The following KANSL3 variants were observed in gnomAD, a reference collection of about 807,000 sequenced individuals.
KANSL3 encodes NSL complex protein NSL3.
KANSL3 carries 16 observed loss-of-function variants against 89.2 expected under a neutral mutation model. The observed-to-expected ratio is 0.18, with a 90% CI of 0.12 to 0.27. The LOEUF is 0.27. Among genes scored for constraint, KANSL3 ranks in the 10% least tolerant of loss-of-function variants. The probability of loss-of-function intolerance (pLI) is 1.00; values close to 1 mark genes in which losing one functional copy is unlikely to be tolerated. For missense variants in KANSL3, 879 were observed against 1,110.6 expected (o/e 0.79, Z 2.96); for synonymous variants, 385 against 419.7 (o/e 0.92, Z 1.01).
chr2:96,608,657 G>C lies in KANSL3; in HGVS notation c.1592C>G (p.Ser531Cys), dbSNP rs765950131. Reference sequence around the variant, plus strand: ...GGAGGTGGGGCTGCTGGACACACTGGAGAGATCCTGAGTAAGGTGAGAAGG... The same window carrying C: ...GGAGGTGGGGCTGCTGGACACACTGCAGAGATCCTGAGTAAGGTGAGAAGG... ...PASPSGSEDL[S>C]SVSSSPTSSP... is the part of the protein sequence containing the mutation. Residue 531 changes from serine (S) to cysteine (C), a missense_variant, in exon 14 of 21, where the codon TCC becomes TGC. Ser to Cys is a moderately radical substitution (Grantham distance 112). Transcript: ENST00000431828. 1.9e-6 allele frequency: 3 copies of C among 1,614,034 alleles called. No homozygotes were observed. The South Asian group carries it at 3.3e-5, about 18-fold the overall frequency.
At chr2:96,630,849 A>G (rs139306694) in intron 3 of KANSL3, among the ~76,000 whole-genome samples, 2 of 152,330 alleles carry the variant, frequency 1.3e-5, no homozygotes, top group East Asian at 3.9e-4. Context: ...ATAGCCTGCA[A>G]ATCTATTTTT....
chr2:96,622,755 G>A (rs2071541224), intron 3 of KANSL3, among the ~76,000 whole-genome samples: 4 of 152,078 alleles, frequency 2.6e-5, no homozygotes, highest in South Asian at 2.1e-4. Context: ...CTTCAGTCAC[G>A]CCGCCTTCCC....
At chr2:96,592,500 CT>C (rs2066294251), downstream of KANSL3, among the ~76,000 whole-genome samples, 1 of 152,140 alleles carries the variant, frequency 6.6e-6, no homozygotes, top group African/African-American at 2.4e-5. Context: ...TACTCTTGGC[CT>C]GGTGGGAAGT....
chr2:96,606,089 A>C (rs2105234408), intron 14 of KANSL3: 1 of 152,458 alleles, frequency 6.6e-6, no homozygotes, highest in East Asian at 1.9e-4. Context: ...TGCCAAATGG[A>C]GGCAATGAAG....
chr2:96,614,675 G>A (rs1473586129), intron 5 of KANSL3, among the ~76,000 whole-genome samples: 1 of 151,602 alleles, frequency 6.6e-6, no homozygotes, highest in African/African-American at 2.4e-5. Context: ...GGAAGCTGAG[G>A]TCCGAGAATC....
chr2:96,623,684 C>T (rs1280292017), intron 3 of KANSL3, among the ~76,000 whole-genome samples: 1 of 152,186 alleles, frequency 6.6e-6, no homozygotes, highest in Non-Finnish European at 1.5e-5. Flanking sequence ...AGGGTTCTAT[C>T]CCACCCTCTA....
At chr2:96,627,771 G>A in intron 3 of KANSL3, 1 of 471,296 alleles carries the variant, frequency 2.1e-6, no homozygotes, top group Non-Finnish European at 3.6e-6. Context: ...GGAAAGAATG[G>A]CAACACGATG....
chr2:96,613,669 TCCA>T, intron 5 of KANSL3, 50 bp from the exon 6 acceptor site: 1 of 1,574,702 alleles, frequency 6.4e-7, no homozygotes, highest in Non-Finnish European at 8.7e-7. Flanking sequence ...CAGGAGACCT[TCCA>T]CCACCAGCAA....
chr2:96,590,113 C>A (rs906556290), downstream of KANSL3, among the ~76,000 whole-genome samples: 1 of 151,842 alleles, frequency 6.6e-6, no homozygotes, highest in South Asian at 2.1e-4. Context: ...GCCAAGATTG[C>A]GCATTGCACT....
In KANSL3 at chr2:96,609,069, T is replaced by C; in HGVS notation, c.1384-5A>G. 6.4e-7 allele frequency: 1 copy of C among 1,554,918 alleles called. No individual in the cohort carries two copies. The highest frequency in any genetic ancestry group is 1.2e-5 in the South Asian group (1 of 84,212). Reference sequence around the variant, plus strand: ...CAGAAAGTCCACAATCTCATCCTAGTGTAGAGAGGAGCCAACCAAGGCCTT... The same window carrying C: ...CAGAAAGTCCACAATCTCATCCTAGCGTAGAGAGGAGCCAACCAAGGCCTT... On this transcript the variant is annotated splice_region_variant and splice_polypyrimidine_tract_variant and intron_variant, in intron 12 of 20. Coordinates refer to ENST00000431828, the MANE Select transcript of KANSL3 (RefSeq NM_001115016.3).
intron 2 of KANSL3, among the ~76,000 whole-genome samples, chr2:96,633,733 C>T (rs1240076369): frequency 1.3e-5 from 2 of 151,982 alleles, no homozygotes; most frequent in African/African-American, 4.8e-5. Context: ...GGTGTGGCAG[C>T]GTGCACCTAT....
rs751444565 is a variant in KANSL3 at position 96,601,760 on chromosome 2, G to A, written c.2499C>T (p.Thr833=). ...GGCCACGAAGTGTCAGAGTAATGGT[G>A]GTGGGGACCTTCAAGCCTGAGATAA... The part of the protein sequence containing the change: ...SNQASGLKVP[T]TITLTLRGQP... Residue 833 remains threonine, a synonymous_variant, in exon 20 of 21, where the codon ACC becomes ACT. Coordinates refer to ENST00000431828, the MANE Select transcript of KANSL3 (RefSeq NM_001115016.3). The A allele has an allele frequency of 6.4e-7, 1 of 1,574,276 alleles. No homozygotes were observed. Among genetic ancestry groups the A allele is most frequent in the South Asian group, 1.2e-5 (1 of 85,846 alleles).
At chr2:96,599,509 A>C (rs1369947429) in intron 20 of KANSL3, 1 of 152,316 alleles carries the variant, frequency 6.6e-6, no homozygotes, top group Non-Finnish European at 1.5e-5. Flanking sequence ...CTTAAGGCAT[A>C]AAACTTTGGA....
chr2:96,600,315 T>C (rs1286182253), intron 20 of KANSL3: 2 of 527,922 alleles, frequency 3.8e-6, no homozygotes, highest in Non-Finnish European at 4.9e-6. Flanking sequence ...AGGAGTAGCA[T>C]CATGGGAAAC....
chr2:96,604,458 T>A, intron 16 of KANSL3, 78 bp from the exon 17 acceptor site: 2 of 1,523,080 alleles, frequency 1.3e-6, no homozygotes, highest in Non-Finnish European at 8.8e-7. Context: ...GGGTACAGAG[T>A]GGGGCCCAGC....
At chr2:96,600,754 G>C in intron 20 of KANSL3, 1 of 985,394 alleles carries the variant, frequency 1.0e-6, no homozygotes, top group Non-Finnish European at 1.2e-6. Context: ...AGGTCACAGG[G>C]GAAATTAGAT....
At chr2:96,598,081 C>T (rs2066713926) in intron 20 of KANSL3, 16 of 985,262 alleles carry the variant, frequency 1.6e-5, no homozygotes, top group Non-Finnish European at 1.9e-5. Context: ...GACGGATTAC[C>T]TAACACAGGA....
chr2:96,637,045 C>T lies in KANSL3; in HGVS notation c.91G>A (p.Glu31Lys). The T allele has an allele frequency of 6.4e-7, 1 of 1,551,672 alleles. No homozygotes were observed. Among genetic ancestry groups the T allele is most frequent in the Non-Finnish European group, 8.7e-7 (1 of 1,146,990 alleles). The change falls in exon 2 of 21, where the codon GAG becomes AAG. Residue 31 changes from glutamate to lysine, a missense_variant. Around this residue, in one of 6 missense-constraint regions of KANSL3, gnomAD observed 210 missense variants for 311.9 expected, o/e 0.67. Transcript: ENST00000431828. ...LLFQLSVHERELDLVFLDHSY... is the reference protein window; with the variant it reads ...LLFQLSVHERKLDLVFLDHSY... ...TGATCCAGAAAAACCAGGTCCAGCT[C>T]CCGTTCATGCACTGAAAGCTGGAAG...
At chr2:96,619,290 C>T (rs913483442) in intron 5 of KANSL3, 69 bp downstream of exon 5, 22 of 1,447,468 alleles carry the variant, frequency 1.5e-5, no homozygotes, top group Non-Finnish European at 2.0e-5. Context: ...TTTGCCTAAC[C>T]CCACATCCTG....
Sources: allele counts gnomAD v4.1 joint callset (sites outside exome capture counted in the v4.1 genomes callset), GRCh38; gene constraint gnomAD v4.1.1; regional missense constraint gnomAD v4.1.1; transcripts MANE v1.5; gene names NCBI Gene and HGNC (gene_info 2026-07-23, HGNC 2026-07-21).